The following ASB4 variants were observed in gnomAD, a reference collection of about 807,000 sequenced individuals.
The protein encoded by ASB4 is ankyrin repeat and SOCS box containing 4.
ASB4 carries 35 observed loss-of-function variants against 38.6 expected under a neutral mutation model. The ratio of observed to expected loss-of-function variants is 0.91; its 90% confidence interval spans 0.69 to 1.20. The LOEUF is 1.20. Among genes scored for constraint, ASB4 ranks in the 50% most tolerant of loss-of-function variants. The pLI, the probability that ASB4 is intolerant of heterozygous loss-of-function variation, is 0.00. For synonymous variants in ASB4, 195 were observed against 201.3 expected, an observed-to-expected ratio of 0.97 and a Z score of 0.26; for missense variants, 557 against 527.2, an observed-to-expected ratio of 1.06 and a Z score of -0.55.
intron 2 of ASB4, among the ~76,000 whole-genome samples, chr7:95,504,362 G>A (rs2116605486): frequency 6.6e-6 from 1 of 152,266 alleles, no homozygotes; most frequent in Non-Finnish European, 1.5e-5. Context: ...CACATGTTAG[G>A]AAATTCCCTG....
At chr7:95,485,858 G>C, upstream of ASB4, 1 of 835,890 alleles carries the variant, frequency 1.2e-6, no homozygotes, top group Non-Finnish European at 1.9e-6. Flanking sequence ...GAACGGATCA[G>C]CATAACTTTG....
intron 2 of ASB4, among the ~76,000 whole-genome samples, chr7:95,522,744 C>T (rs1194769063): frequency 6.6e-6 from 1 of 152,226 alleles, no homozygotes; most frequent in Non-Finnish European, 1.5e-5. Flanking sequence ...CTTATCTTAT[C>T]TGTCCTGTTC....
chr7:95,515,309 CT>C (rs1562817320), intron 2 of ASB4, among the ~76,000 whole-genome samples: 4,979 of 116,230 alleles, frequency 0.043, 231 homozygotes, highest in Admixed American at 0.067. Flanking sequence ...TTCTTTCTTT[CT>C]TTCTTTCTTC....
chr7:95,488,399 A>G (rs975172797), intron 1 of ASB4, among the ~76,000 whole-genome samples: 15 of 152,228 alleles, frequency 9.9e-5, no homozygotes, highest in Non-Finnish European at 1.2e-4. Context: ...CAACCTTATC[A>G]TCGATCCTTT....
At chr7:95,515,247 C>CTT (rs1562817116) in intron 2 of ASB4, among the ~76,000 whole-genome samples, 33 of 119,858 alleles carry the variant, frequency 2.8e-4, no homozygotes, top group African/African-American at 8.7e-4. Context: ...TTCTTTCTTT[C>CTT]TTTCCTTCTT....
intron 2 of ASB4, among the ~76,000 whole-genome samples, chr7:95,498,019 T>C (rs1790276040): frequency 6.6e-6 from 1 of 152,240 alleles, no homozygotes; most frequent in African/African-American, 2.4e-5. Context: ...TGTGGACTTT[T>C]TATTTCTCTT....
chr7:95,472,963 T>G, the ASB4 span, among the ~76,000 whole-genome samples: 3 of 152,284 alleles, frequency 2.0e-5, no homozygotes, highest in South Asian at 2.1e-4. Flanking sequence ...AATCCTCTAT[T>G]TCCTCTCTCC....
At chr7:95,523,152 A>AT (rs1024683719) in intron 2 of ASB4, among the ~76,000 whole-genome samples, 133 of 152,310 alleles carry the variant, frequency 8.7e-4, no homozygotes, top group African/African-American at 3.1e-3. Context: ...AATTTTAAAC[A>AT]TTTTTTTAAC....
chr7:95,502,158 A>G (rs1050176893), intron 2 of ASB4, among the ~76,000 whole-genome samples: 2 of 152,130 alleles, frequency 1.3e-5, no homozygotes, highest in African/African-American at 4.8e-5. Flanking sequence ...CAAAACGACC[A>G]AGAACAGGAA....
upstream of ASB4, among the ~76,000 whole-genome samples, chr7:95,476,410 A>T (rs934350709): frequency 1.3e-5 from 2 of 152,228 alleles, no homozygotes; most frequent in African/African-American, 4.8e-5. Context: ...AAAAAAATTT[A>T]TAGAAAGCTC....
chr7:95,507,062 T>C (rs1466952392), intron 2 of ASB4, among the ~76,000 whole-genome samples: 4 of 152,174 alleles, frequency 2.6e-5, no homozygotes, highest in Non-Finnish European at 1.5e-5. Flanking sequence ...TTATAATCCT[T>C]GGCTGTCTGC....
chr7:95,493,687 C>T (rs1180664564), intron 1 of ASB4, among the ~76,000 whole-genome samples: 3 of 151,958 alleles, frequency 2.0e-5, no homozygotes, highest in Non-Finnish European at 4.4e-5. Context: ...GTCCTGATCC[C>T]CCAACCCCCC....
intron 1 of ASB4, among the ~76,000 whole-genome samples, chr7:95,488,187 A>G (rs1790119486): frequency 6.6e-6 from 1 of 152,146 alleles, no homozygotes; most frequent in Admixed American, 6.5e-5. Context: ...TAAAAATACA[A>G]AAAATTAGCC....
chr7:95,546,495 T>C, the ASB4 span, among the ~76,000 whole-genome samples: 2 of 152,208 alleles, frequency 1.3e-5, no homozygotes, highest in Non-Finnish European at 2.9e-5. Context: ...TTTGATATTA[T>C]GTGGTGCTTG....
At chr7:95,489,123 T>G (rs1377664976) in intron 1 of ASB4, among the ~76,000 whole-genome samples, 2 of 152,216 alleles carry the variant, frequency 1.3e-5, no homozygotes, top group East Asian at 3.8e-4. Flanking sequence ...CAGTGTATAA[T>G]TTTTGAAAAG....
At chr7:95,505,754 T>G (rs1342347623) in intron 2 of ASB4, among the ~76,000 whole-genome samples, 1 of 144,128 alleles carries the variant, frequency 6.9e-6, no homozygotes, top group Non-Finnish European at 1.5e-5. Context: ...ATGAGGCTTG[T>G]GGTCAACTAT....
Position 95,528,218 on chromosome 7 carries a change from T to G in ASB4, c.893T>G (p.Val298Gly). The G allele has an allele frequency of 6.2e-7, 1 of 1,614,188 alleles. No individual in the cohort carries two copies. Among genetic ancestry groups the G allele is most frequent in the Non-Finnish European group, 8.5e-7 (1 of 1,180,024 alleles). Residue 298 changes from valine (V) to glycine (G), a missense_variant, in exon 3 of 5, where the codon GTG becomes GGG. Transcript: ENST00000325885. The part of the protein sequence containing the change: ...AIQYVLKVTS[V>G]RPAAQPEICY... ...CAGTACGTGCTGAAGGTCACCTCCG[T>G]GCGCCCTGCTGCCCAGCCTGAGATC...
intron 2 of ASB4, among the ~76,000 whole-genome samples, chr7:95,520,067 C>T (rs963652728): frequency 1.3e-5 from 2 of 152,038 alleles, no homozygotes; most frequent in African/African-American, 4.8e-5. Flanking sequence ...AACATCTAAG[C>T]CCAGAAAAAC....
At chr7:95,545,923 C>G in the ASB4 span, among the ~76,000 whole-genome samples, 1 of 152,226 alleles carries the variant, frequency 6.6e-6, no homozygotes, top group Admixed American at 6.5e-5. Flanking sequence ...AGTCAGACAT[C>G]TCCACCGGTA....
Sources: gnomAD v4.1 joint callset for allele counts (sites outside exome capture counted in the v4.1 genomes callset) on GRCh38, gnomAD v4.1.1 for gene constraint, MANE v1.5 for transcripts, NCBI Gene and HGNC (gene_info 2026-07-23, HGNC 2026-07-21) for gene names.